TEAD1: variants seen among roughly 807,000 people sequenced by gnomAD.
TEAD1 encodes transcriptional enhancer factor TEF-1.
In TEAD1, 9 loss-of-function variants were observed where a neutral mutation model predicts 54.9. That is an observed-to-expected ratio of 0.16 (90% CI 0.10 to 0.29). The LOEUF (loss-of-function observed/expected upper bound fraction) is 0.29, where lower values mean the gene tolerates loss of function less well. TEAD1 is among the 10% of genes least tolerant of loss of function. The pLI is 1.00. For missense variants in TEAD1, 387 were observed against 535.9 expected (o/e 0.72, Z 2.74); for synonymous variants, 200 against 187.8 (o/e 1.07, Z -0.53).
intron 2 of TEAD1, among the ~76,000 whole-genome samples, chr11:12,719,590 G>A (rs1408522737): frequency 6.3e-5 from 8 of 127,546 alleles, no homozygotes; most frequent in Admixed American, 4.0e-4. Context: ...GAGGGGGGGC[G>A]GGGGGCTGTG....
At chr11:12,753,462 T>C (rs1424866997) in intron 2 of TEAD1, among the ~76,000 whole-genome samples, 1 of 152,236 alleles carries the variant, frequency 6.6e-6, no homozygotes, top group Non-Finnish European at 1.5e-5. Context: ...GCTCTTCTAG[T>C]GGCTGGATAG....
intron 3 of TEAD1, among the ~76,000 whole-genome samples, chr11:12,802,770 T>C (rs1946087572): frequency 1.3e-5 from 2 of 152,218 alleles, no homozygotes; most frequent in South Asian, 2.1e-4. Flanking sequence ...GAAGCATTGC[T>C]CACTCGGAGA....
At chr11:12,738,154 G>A (rs919754519) in intron 2 of TEAD1, among the ~76,000 whole-genome samples, 1 of 152,108 alleles carries the variant, frequency 6.6e-6, no homozygotes, top group Non-Finnish European at 1.5e-5. Context: ...ATTTGGGTGG[G>A]TACACAGCCA....
At chr11:12,937,014 G>A in intron 12 of TEAD1, 95 bp from the exon 13 acceptor site, 1 of 838,684 alleles carries the variant, frequency 1.2e-6, no homozygotes, top group Non-Finnish European at 2.0e-6. Flanking sequence ...TTGGACTTAA[G>A]ACTTGTTCTT....
In TEAD1 at chr11:12,944,303, T is replaced by G. The variant is rs902656047; in HGVS notation, c.*7081T>G. On this transcript the variant is annotated 3_prime_UTR_variant, in exon 13 of 13. Transcript: ENST00000527636. ...TTTGCAGAAACTTTCAAAAGGCATT[T>G]GATTAAACCTCTTGGCAGTACAGTA... 3.3e-5 allele frequency: 5 copies of G among 152,652 alleles called. No homozygotes were observed. Among genetic ancestry groups the G allele is most frequent in the Non-Finnish European group, 7.3e-5 (5 of 68,038 alleles). 9.5% of individuals were successfully genotyped at this position (152,652 alleles called of 1,614,324 possible).
At chr11:12,797,201 TA>T (rs1215384512) in intron 3 of TEAD1, among the ~76,000 whole-genome samples, 31 of 152,364 alleles carry the variant, frequency 2.0e-4, no homozygotes, top group African/African-American at 7.0e-4. Flanking sequence ...TCTTAACTTT[TA>T]ATTCTTCAAC....
intron 2 of TEAD1, among the ~76,000 whole-genome samples, chr11:12,749,855 G>T (rs1306221628): frequency 1.3e-5 from 2 of 152,140 alleles, no homozygotes; most frequent in Non-Finnish European, 2.9e-5. Flanking sequence ...AAGGTGCCAA[G>T]ATTCTTTCTC....
chr11:12,815,695 T>C (rs1222944063), intron 3 of TEAD1, among the ~76,000 whole-genome samples: 1 of 152,202 alleles, frequency 6.6e-6, no homozygotes, highest in Non-Finnish European at 1.5e-5. Flanking sequence ...TTCAACAGTT[T>C]TAAGGGCATT....
At chr11:12,825,021 AT>A (rs1163887379) in intron 3 of TEAD1, among the ~76,000 whole-genome samples, 1 of 152,154 alleles carries the variant, frequency 6.6e-6, no homozygotes, top group African/African-American at 2.4e-5. Context: ...ACACACACTC[AT>A]TTTTTAAAGT....
intron 3 of TEAD1, among the ~76,000 whole-genome samples, chr11:12,792,388 C>T (rs955011815): frequency 6.8e-6 from 1 of 147,992 alleles, no homozygotes; most frequent in Non-Finnish European, 1.5e-5. Flanking sequence ...CTATATAGTC[C>T]TATGAAGAAA....
At chr11:12,833,821 C>T (rs959220623) in intron 3 of TEAD1, among the ~76,000 whole-genome samples, 3 of 152,076 alleles carry the variant, frequency 2.0e-5, no homozygotes, top group Non-Finnish European at 4.4e-5. Flanking sequence ...TATAGATTCC[C>T]ACTCATTCTT....
intron 4 of TEAD1, among the ~76,000 whole-genome samples, chr11:12,864,198 C>A (rs2134070170): frequency 6.6e-6 from 1 of 152,184 alleles, no homozygotes; most frequent in East Asian, 1.9e-4. Flanking sequence ...AGAATACAAC[C>A]AACAGCTTCA....
intron 3 of TEAD1, among the ~76,000 whole-genome samples, chr11:12,804,162 G>C (rs1165387737): frequency 6.6e-6 from 1 of 152,234 alleles, no homozygotes; most frequent in Non-Finnish European, 1.5e-5. Context: ...ACTGTGCTTT[G>C]TGATATTTCC....
At chr11:12,803,064 G>T (rs1044297111) in intron 3 of TEAD1, among the ~76,000 whole-genome samples, 1 of 151,430 alleles carries the variant, frequency 6.6e-6, no homozygotes, top group Non-Finnish European at 1.5e-5. Context: ...TGGATTCTGG[G>T]AAAACAGAAG....
At chr11:12,832,816 G>C (rs1257554910) in intron 3 of TEAD1, among the ~76,000 whole-genome samples, 1 of 152,206 alleles carries the variant, frequency 6.6e-6, no homozygotes, top group East Asian at 1.9e-4. Flanking sequence ...TCAAACACCA[G>C]ATTGATCCTA....
At chr11:12,688,045 C>A (rs1423065411) in intron 2 of TEAD1, among the ~76,000 whole-genome samples, 1 of 152,154 alleles carries the variant, frequency 6.6e-6, no homozygotes, top group Non-Finnish European at 1.5e-5. Context: ...CCCTCCATCA[C>A]CCTGTAGGCC....
intron 2 of TEAD1, among the ~76,000 whole-genome samples, chr11:12,704,556 C>T (rs1450559678): frequency 2.6e-5 from 4 of 152,236 alleles, no homozygotes; most frequent in Admixed American, 2.0e-4. Flanking sequence ...GCCTTCCCAG[C>T]TCCAACAGCA....
intron 3 of TEAD1, among the ~76,000 whole-genome samples, chr11:12,840,778 A>C (rs779397713): frequency 9.9e-5 from 15 of 152,190 alleles, no homozygotes; most frequent in Non-Finnish European, 2.1e-4. Context: ...GGCTTTCTGC[A>C]CGGGCCCCTG....
intron 3 of TEAD1, among the ~76,000 whole-genome samples, chr11:12,779,356 A>G (rs1945498083): frequency 1.3e-5 from 2 of 152,178 alleles, no homozygotes; most frequent in South Asian, 2.1e-4. Flanking sequence ...TTATTAGCCT[A>G]TGGGAGTAAG....
Sources: allele counts gnomAD v4.1 joint callset (sites outside exome capture counted in the v4.1 genomes callset), GRCh38; gene constraint gnomAD v4.1.1; transcripts MANE v1.5; gene names NCBI Gene and HGNC (gene_info 2026-07-23, HGNC 2026-07-21).